Variants in CSMD1 observed in about 807,000 individuals in gnomAD.
CSMD1 encodes the protein CUB and sushi domain-containing protein 1.
A neutral mutation model predicts 417.5 loss-of-function variants in CSMD1; 213 were observed. The ratio of observed to expected loss-of-function variants is 0.51; its 90% CI spans 0.46 to 0.57. CSMD1 has a LOEUF of 0.57. CSMD1 is among the 20% of genes least tolerant of loss of function. The probability of loss-of-function intolerance (pLI) is 0.00; values close to 1 mark genes in which losing one functional copy is unlikely to be tolerated. For synonymous variants in CSMD1, 2,862 were observed against 1,736.8 expected, an observed-to-expected ratio of 1.65 and a Z score of -16.11; for missense variants, 6,923 against 4,529.7, an observed-to-expected ratio of 1.53 and a Z score of -15.17.
intron 4 of CSMD1, among the ~76,000 whole-genome samples, chr8:4,001,971 A>C (rs1380948175): frequency 6.6e-6 from 1 of 152,200 alleles, no homozygotes; most frequent in African/African-American, 2.4e-5. Context: ...AATATTCCGG[A>C]ATGAGTTACA....
chr8:3,305,888 G>A (rs1804798113), intron 25 of CSMD1, among the ~76,000 whole-genome samples: 1 of 152,008 alleles, frequency 6.6e-6, no homozygotes, highest in African/African-American at 2.4e-5. Flanking sequence ...CACCATGTTA[G>A]CCAGGATGAT....
chr8:3,199,640 G>T, intron 33 of CSMD1, 74 bp downstream of exon 33: 1 of 904,068 alleles, frequency 1.1e-6, no homozygotes, highest in South Asian at 2.2e-5. Context: ...TGAGTGCTTT[G>T]TCTGAGACTA....
intron 5 of CSMD1, among the ~76,000 whole-genome samples, chr8:3,761,050 A>C (rs1229914340): frequency 6.6e-6 from 1 of 152,160 alleles, no homozygotes; most frequent in African/African-American, 2.4e-5. Flanking sequence ...TAAATAGAAC[A>C]ACCTGATCAA....
intron 37 of CSMD1, among the ~76,000 whole-genome samples, chr8:3,170,302 G>T (rs548924383): frequency 4.7e-4 from 72 of 152,260 alleles, no homozygotes; most frequent in African/African-American, 1.6e-3. Flanking sequence ...CCGCCTCCCG[G>T]GTTCACACCA....
chr8:3,781,477 A>G (rs1161666047), intron 5 of CSMD1, among the ~76,000 whole-genome samples: 1 of 147,826 alleles, frequency 6.8e-6, no homozygotes, highest in African/African-American at 2.6e-5. Context: ...AGCTGCTGAT[A>G]GTTGCACCAC....
At chr8:4,914,077 A>C (rs917516509) in intron 1 of CSMD1, among the ~76,000 whole-genome samples, 1 of 152,232 alleles carries the variant, frequency 6.6e-6, no homozygotes, top group Non-Finnish European at 1.5e-5. Flanking sequence ...TAAATTACTC[A>C]GAGAGGAAGA....
At chr8:3,280,069 C>T (rs562607691) in intron 26 of CSMD1, among the ~76,000 whole-genome samples, 1 of 151,010 alleles carries the variant, frequency 6.6e-6, no homozygotes, top group African/African-American at 2.4e-5. Context: ...CACATCGGCC[C>T]CCGGGGTACC....
intron 3 of CSMD1, among the ~76,000 whole-genome samples, chr8:4,360,397 T>C (rs947262046): frequency 6.6e-6 from 1 of 152,202 alleles, no homozygotes; most frequent in African/African-American, 2.4e-5. Flanking sequence ...GCAAACTCCA[T>C]CTATAAAACA....
intron 1 of CSMD1, among the ~76,000 whole-genome samples, chr8:4,768,243 C>T (rs1464805787): frequency 2.6e-5 from 4 of 151,912 alleles, no homozygotes; most frequent in African/African-American, 9.7e-5. Context: ...GCTCTGTGGG[C>T]TCCTCCTTCA....
chr8:4,268,816 T>G (rs141678875), intron 3 of CSMD1, among the ~76,000 whole-genome samples: 1 of 152,094 alleles, frequency 6.6e-6, no homozygotes, highest in African/African-American at 2.4e-5. Flanking sequence ...AAATGGTTAA[T>G]AGCCCCCAAG....
intron 3 of CSMD1, among the ~76,000 whole-genome samples, chr8:4,331,596 T>C (rs767932690): frequency 2.0e-5 from 3 of 152,150 alleles, no homozygotes; most frequent in Non-Finnish European, 2.9e-5. Flanking sequence ...GGGCAACATT[T>C]ATAGTGGCAA....
chr8:4,263,465 C>A (rs564648818), intron 3 of CSMD1, among the ~76,000 whole-genome samples: 1 of 152,270 alleles, frequency 6.6e-6, no homozygotes, highest in East Asian at 1.9e-4. Context: ...CATAGTTGTT[C>A]CTTCCAAACT....
intron 1 of CSMD1, among the ~76,000 whole-genome samples, chr8:4,921,651 A>G (rs1224661546): frequency 6.6e-6 from 1 of 152,190 alleles, no homozygotes; most frequent in African/African-American, 2.4e-5. Context: ...AGTGTGAATT[A>G]CCCACAGAAG....
chr8:3,621,085 G>A (rs143248021), intron 7 of CSMD1, among the ~76,000 whole-genome samples: 1 of 152,172 alleles, frequency 6.6e-6, no homozygotes. Context: ...CACAAGAAGA[G>A]AGTCATCCAC....
intron 4 of CSMD1, among the ~76,000 whole-genome samples, chr8:4,016,917 C>G (rs1011228539): frequency 6.6e-6 from 1 of 152,126 alleles, no homozygotes; most frequent in Non-Finnish European, 1.5e-5. Context: ...ATGCCATAAT[C>G]CCAATTGTTG....
chr8:4,986,021 C>T (rs1422838978), intron 1 of CSMD1, among the ~76,000 whole-genome samples: 2 of 152,190 alleles, frequency 1.3e-5, no homozygotes, highest in Non-Finnish European at 1.5e-5. Flanking sequence ...TCATACTCTG[C>T]AATGCTCGAC....
intron 10 of CSMD1, among the ~76,000 whole-genome samples, chr8:3,558,914 G>C (rs1799345027): frequency 6.6e-6 from 1 of 152,142 alleles, no homozygotes; most frequent in Non-Finnish European, 1.5e-5. Flanking sequence ...AAAGCGTCCT[G>C]GGGCAGCACC....
At chr8:4,173,205 G>A (rs190178755) in intron 3 of CSMD1, among the ~76,000 whole-genome samples, 2 of 152,242 alleles carry the variant, frequency 1.3e-5, no homozygotes, top group East Asian at 1.9e-4. Flanking sequence ...GTGAATTTCA[G>A]ATAAACGACC....
At position 4,471,265 on chromosome 8, in the gene CSMD1, C is replaced by A. The variant is rs146523913; in HGVS notation, c.303-51200G>T. ...AAAATGGTGTCCTACTTAAAAAAAT[C>A]AGGAACAATAAATTTCACAACAAAG... is the stretch of plus-strand genomic sequence containing the variant. On this transcript the variant is annotated intron_variant, in intron 2 of 69. Transcript: ENST00000635120. 4.8e-3 allele frequency among the ~76,000 whole-genome samples: 729 copies of A among 152,166 alleles called. 5 individuals are homozygous for A. The highest frequency in any genetic ancestry group is 0.016 in the African/African-American group (654 of 41,500).
Sources: gnomAD v4.1 joint callset for allele counts (sites outside exome capture counted in the v4.1 genomes callset) on GRCh38, gnomAD v4.1.1 for gene constraint, MANE v1.5 for transcripts, NCBI Gene and HGNC (gene_info 2026-07-23, HGNC 2026-07-21) for gene names.